The following EFEMP1 variants were observed in gnomAD, a reference collection of about 807,000 sequenced individuals.
EFEMP1 encodes EGF-containing fibulin-like extracellular matrix protein 1.
A neutral mutation model predicts 65.7 loss-of-function variants in EFEMP1; 18 were observed. The ratio of observed to expected loss-of-function variants is 0.27; its 90% CI spans 0.19 to 0.41. EFEMP1 has a LOEUF of 0.41. Ranked by LOEUF, EFEMP1 falls within the 10% of genes least tolerant of loss-of-function variation. The pLI, the probability that EFEMP1 is intolerant of heterozygous loss-of-function variation, is 1.00. For missense variants in EFEMP1, 469 were observed against 624.8 expected (o/e 0.75, Z 2.66); for synonymous variants, 237 against 219.7 (o/e 1.08, Z -0.70).
Position 55,875,042 on chromosome 2 carries a change from T to G in EFEMP1, c.904A>C (p.Ser302Arg), listed in dbSNP as rs1419122967. The G allele has an allele frequency of 1.2e-6, 2 of 1,605,570 alleles. No homozygotes were observed. The highest frequency in any genetic ancestry group is 2.7e-5 in the African/African-American group (2 of 74,360). The change falls in exon 9 of 12, where the codon AGC (serine) becomes CGC (arginine). Residue 302 changes from serine to arginine, a missense_variant. Coordinates refer to ENST00000355426, the MANE Select transcript of EFEMP1 (RefSeq NM_001039348.3). Reference protein sequence around the residue: ...CEDIDECRTSSYLCQYQCVNE... With the variant: ...CEDIDECRTSRYLCQYQCVNE... The stretch of plus-strand genomic sequence containing the variant: ...ACACATTGATATTGACACAGGTAGC[T>G]TGAGGTTCTGCATTCATCAATGTCT...
intron 5 of EFEMP1, among the ~76,000 whole-genome samples, chr2:55,900,408 T>C (rs1177408558): frequency 1.3e-5 from 2 of 151,544 alleles, no homozygotes; most frequent in Non-Finnish European, 2.9e-5. Flanking sequence ...AGGCACCCAT[T>C]TATCCCACAA....
intron 5 of EFEMP1, among the ~76,000 whole-genome samples, chr2:55,896,998 C>G (rs1669850686): frequency 6.6e-6 from 1 of 152,202 alleles, no homozygotes; most frequent in African/African-American, 2.4e-5. Flanking sequence ...AAATGCTGCT[C>G]CCTCTGCCTG....
At chr2:55,914,424 C>T (rs1362919356) in intron 5 of EFEMP1, among the ~76,000 whole-genome samples, 1 of 152,072 alleles carries the variant, frequency 6.6e-6, no homozygotes, top group African/African-American at 2.4e-5. Context: ...GGGGAATAAA[C>T]ATATCATGTT....
rs868302375 is a variant in EFEMP1 at position 55,919,819 on chromosome 2, C to T, written c.82-1552G>A. On this transcript the variant is annotated intron_variant, in intron 3 of 11. Transcript: ENST00000355426. The surrounding 1 kb of genome is among the most constrained non-coding windows in gnomAD (Gnocchi z 4.5). ...GTGTTAAAGGTACCACTACCTTTTT[C>T]GAAACCCAGGATTCCAACTTTAACA... Among the ~76,000 whole-genome samples, 4 of 152,054 alleles carry T rather than the reference C, an allele frequency of 2.6e-5. No individual in the cohort carries two copies. Among genetic ancestry groups the T allele is most frequent in the South Asian group, 2.1e-4 (1 of 4,826 alleles).
rs372110673 is a variant in EFEMP1, at chr2:55,914,337, T to G, written c.517+3328A>C. The stretch of plus-strand genomic sequence containing the variant: ...TGAAAAAAACCTGCTCACTGTGACC[T>G]GATCTTTGAATGTTATGTTGTATTT... On this transcript the variant is annotated intron_variant, in intron 5 of 11. Coordinates refer to ENST00000355426, the MANE Select transcript of EFEMP1 (RefSeq NM_001039348.3). 4.6e-5 allele frequency among the ~76,000 whole-genome samples: 7 copies of G among 152,340 alleles called. No homozygotes were observed. The East Asian group carries it at 1.2e-3, about 25-fold the overall frequency.
At chr2:55,914,228 A>C (rs1405602787) in intron 5 of EFEMP1, among the ~76,000 whole-genome samples, 1 of 152,218 alleles carries the variant, frequency 6.6e-6, no homozygotes, top group Non-Finnish European at 1.5e-5. Context: ...TTCATTTTAT[A>C]GATGCCAAGA....
intron 5 of EFEMP1, among the ~76,000 whole-genome samples, chr2:55,900,248 G>A (rs1669980523): frequency 6.6e-6 from 1 of 152,172 alleles, no homozygotes; most frequent in South Asian, 2.1e-4. Flanking sequence ...GAAATCTTAT[G>A]AGCAGAATGC....
intron 5 of EFEMP1, among the ~76,000 whole-genome samples, chr2:55,888,469 C>T (rs1669510972): frequency 6.6e-6 from 1 of 151,198 alleles, no homozygotes; most frequent in African/African-American, 2.4e-5. Flanking sequence ...TCCTGAGTAG[C>T]TGGGATTACA....
In EFEMP1 at chr2:55,883,330, G is replaced by A. The variant is rs1669313495; in HGVS notation, c.518-1596C>T. On this transcript the variant is annotated intron_variant, in intron 5 of 11. Coordinates refer to ENST00000355426, the MANE Select transcript of EFEMP1 (RefSeq NM_001039348.3). The surrounding 1 kb of genome is among the most constrained non-coding windows in gnomAD (Gnocchi z 4.5). ...ACAAACTGTCCTTTTTAGGTACTAT[G>A]CGATGGTGCAACAATCCTGCTTTGA... is the stretch of plus-strand genomic sequence containing the variant. 6.6e-6 allele frequency among the ~76,000 whole-genome samples: 1 copy of A among 152,098 alleles called. No individual in the cohort carries two copies. Among genetic ancestry groups the A allele is most frequent in the Non-Finnish European group, 1.5e-5 (1 of 68,018 alleles).
At chr2:55,884,676 C>G (rs111592693) in intron 5 of EFEMP1, among the ~76,000 whole-genome samples, 3 of 152,328 alleles carry the variant, frequency 2.0e-5, no homozygotes, top group African/African-American at 7.2e-5. Flanking sequence ...CTACTCAGGT[C>G]AGCCATGATT....
rs1387835277 is a variant in EFEMP1 at position 55,919,166 on chromosome 2, A to C, written c.82-899T>G. On this transcript the variant is annotated intron_variant, in intron 3 of 11. Transcript: ENST00000355426. The surrounding 1 kb of genome is among the most constrained non-coding windows in gnomAD (Gnocchi z 4.5). The stretch of plus-strand genomic sequence containing the variant: ...AGAGGCTATTGTGACAAAGGCATAA[A>C]ATTTTTGAAAAGGGAAGGAGCTGCA... 1.3e-5 allele frequency among the ~76,000 whole-genome samples: 2 copies of C among 152,162 alleles called. No homozygotes were observed. Among genetic ancestry groups the C allele is most frequent in the East Asian group, 1.9e-4 (1 of 5,196 alleles).
intron 5 of EFEMP1, among the ~76,000 whole-genome samples, chr2:55,909,616 C>G (rs991367555): frequency 5.9e-5 from 9 of 152,174 alleles, no homozygotes; most frequent in African/African-American, 2.2e-4. Flanking sequence ...CCTCATCATT[C>G]TCTCCCAAAT....
chr2:55,918,406 T>C lies in EFEMP1; in HGVS notation c.82-139A>G, dbSNP rs2277887. On this transcript the variant is annotated intron_variant, in intron 3 of 11. Coordinates refer to ENST00000355426, the MANE Select transcript of EFEMP1 (RefSeq NM_001039348.3). ...CTAGATATATGATGAGATGGGTGGTTTAACATTCTATCGCTTTTTTTTCAA... is the reference window on the plus strand; with the variant it reads ...CTAGATATATGATGAGATGGGTGGTCTAACATTCTATCGCTTTTTTTTCAA... The C allele has an allele frequency of 0.073, 74,292 of 1,015,658 alleles. 3,496 individuals are homozygous for C. Among genetic ancestry groups the C allele is most frequent in the East Asian group, 0.22 (8,842 of 41,096 alleles). The allele number at this position is 1,015,658 out of a possible 1,614,324, so 62.9% of individuals were successfully genotyped here.
Position 55,867,315 on chromosome 2 carries a change from T to C in EFEMP1, c.1321-81A>G, listed in dbSNP as rs963483817. ...CTATGCTTTGTTAGTATACCTCCTATAAGAATTAGGGGGAGAATTTTGAAG... is the reference window on the plus strand; with the variant it reads ...CTATGCTTTGTTAGTATACCTCCTACAAGAATTAGGGGGAGAATTTTGAAG... On this transcript the variant is annotated intron_variant, in intron 11 of 11. Transcript: ENST00000355426. This position sits in a 1 kb window ranked among gnomAD's most constrained non-coding sequence, Gnocchi z 4.3. 7.4e-6 allele frequency: 11 copies of C among 1,476,540 alleles called. No individual in the cohort carries two copies. In the African/African-American group the frequency reaches 9.8e-5, roughly 13 times the overall value. The allele number at this position is 1,476,540 out of a possible 1,614,324, so 91.5% of individuals were successfully genotyped here. A position where few individuals can be genotyped will look rare whatever the true frequency, so the allele number is the denominator to read the frequency against.
At chr2:55,901,282 T>A (rs1271530472) in intron 5 of EFEMP1, among the ~76,000 whole-genome samples, 1 of 152,232 alleles carries the variant, frequency 6.6e-6, no homozygotes, top group Non-Finnish European at 1.5e-5. Flanking sequence ...TGTGAGTACA[T>A]GTTAATCAGC....
At chr2:55,874,858 A>G (rs1668964211) in intron 9 of EFEMP1, 88 bp downstream of exon 9, 4 of 1,377,742 alleles carry the variant, frequency 2.9e-6, no homozygotes, top group African/African-American at 1.5e-5. Context: ...GGGAAAAATG[A>G]AAGTCTATAG....
At position 55,885,206 on chromosome 2, in the gene EFEMP1, G is replaced by A. The variant is rs1669381724; in HGVS notation, c.518-3472C>T. On this transcript the variant is annotated intron_variant, in intron 5 of 11. Transcript: ENST00000355426. The surrounding 1 kb of genome is among the most constrained non-coding windows in gnomAD (Gnocchi z 4.3). ...TTGAAGAAGACGAGATACATGGGTT[G>A]CCAGGAAAAGGAAGCTGTTTCTAGG... 1.3e-5 allele frequency among the ~76,000 whole-genome samples: 2 copies of A among 152,210 alleles called. No homozygotes were observed.
intron 5 of EFEMP1, among the ~76,000 whole-genome samples, chr2:55,900,882 T>G (rs1252733209): frequency 3.9e-5 from 6 of 152,168 alleles, no homozygotes. Flanking sequence ...TGTTGAAAAA[T>G]AAGCCACTAT....
intron 5 of EFEMP1, among the ~76,000 whole-genome samples, chr2:55,899,342 G>T (rs1168087163): frequency 1.3e-5 from 2 of 152,196 alleles, no homozygotes; most frequent in African/African-American, 4.8e-5. Context: ...TAAGAAAGGT[G>T]GTGTGCCTAG....
Sources: gnomAD v4.1 joint callset for allele counts (sites outside exome capture counted in the v4.1 genomes callset) on GRCh38, gnomAD v4.1.1 for gene constraint, Gnocchi (gnomAD v3.1) non-coding constraint, MANE v1.5 for transcripts, NCBI Gene and HGNC (gene_info 2026-07-23, HGNC 2026-07-21) for gene names.